The following TRMT2B variants were observed in gnomAD, a reference collection of about 807,000 sequenced individuals.
TRMT2B encodes tRNA (uracil-5-)-methyltransferase homolog B.
Under a neutral mutation model 39.7 loss-of-function variants are expected in TRMT2B, and 34 were observed. That is an observed-to-expected ratio of 0.86 (90% CI 0.65 to 1.14). The LOEUF (loss-of-function observed/expected upper bound fraction) is 1.14. TRMT2B is among the 50% of genes most tolerant of loss of function. TRMT2B has a pLI of 0.00. For synonymous variants in TRMT2B, 132 were observed against 137.3 expected, an observed-to-expected ratio of 0.96 and a Z score of 0.27; for missense variants, 318 against 377.2, an observed-to-expected ratio of 0.84 and a Z score of 1.30.
At chrX:101,039,550 T>G (rs771993912) in intron 4 of TRMT2B, among the ~76,000 whole-genome samples, 18 of 111,626 alleles carry the variant, frequency 1.6e-4, no homozygotes, top group African/African-American at 5.2e-4. Context: ...CAGAAAAGAT[T>G]AAGAACCTAA....
chrX:100,980,378 C>T, the TRMT2B span, among the ~76,000 whole-genome samples: 4 of 109,536 alleles, frequency 3.7e-5, no homozygotes, highest in Non-Finnish European at 7.6e-5. Context: ...CAGCCCCAAG[C>T]CCATAGCGAC....
chrX:101,036,143 C>T (rs997629048), intron 6 of TRMT2B, among the ~76,000 whole-genome samples: 4 of 111,564 alleles, frequency 3.6e-5, no homozygotes, highest in African/African-American at 1.3e-4. Flanking sequence ...TGAAAATGGG[C>T]AAACAGAAAG....
intron 8 of TRMT2B, 142 bp downstream of exon 8, chrX:101,023,327 TC>T: frequency 1.7e-6 from 1 of 596,444 alleles, no homozygotes. Flanking sequence ...CTTCTCCTCA[TC>T]CCTAACCCCT....
chrX:100,993,078 C>T, the TRMT2B span, among the ~76,000 whole-genome samples: 1 of 112,134 alleles, frequency 8.9e-6, no homozygotes, highest in Admixed American at 9.5e-5. Context: ...TGATAGGATT[C>T]TGACTGAGGC....
At chrX:101,036,746 C>T (rs1440668857) in intron 6 of TRMT2B, among the ~76,000 whole-genome samples, 1 of 111,755 alleles carries the variant, frequency 8.9e-6, no homozygotes, top group Non-Finnish European at 1.9e-5. Context: ...AGGTATCAGG[C>T]ATATATGGCT....
At chrX:101,040,392 G>A (rs750244915) in intron 4 of TRMT2B, among the ~76,000 whole-genome samples, 18 of 111,139 alleles carry the variant, frequency 1.6e-4, no homozygotes, top group Non-Finnish European at 2.8e-4. Context: ...AGATGTGGAT[G>A]GGTATGGCTC....
At chrX:101,035,774 G>C in intron 6 of TRMT2B, 91 bp from the exon 7 acceptor site, 2 of 756,600 alleles carry the variant, frequency 2.6e-6, no homozygotes, top group Non-Finnish European at 4.0e-6. Context: ...TCGTCAAAGT[G>C]GCATATGTAG....
At chrX:100,994,951 A>G in the TRMT2B span, among the ~76,000 whole-genome samples, 1,598 of 111,429 alleles carry the variant, frequency 0.014, 17 homozygotes, top group Middle Eastern at 0.042. Flanking sequence ...TGTGTTTTGA[A>G]TATTGTTCTT....
intron 7 of TRMT2B, 85 bp downstream of exon 7, chrX:101,035,528 G>T: frequency 1.2e-6 from 1 of 820,123 alleles, no homozygotes; most frequent in Non-Finnish European, 1.9e-6. Context: ...ACTAGAATTG[G>T]CTCTATTATC....
chrX:101,041,260 C>T (rs772504228), intron 4 of TRMT2B, 57 bp downstream of exon 4: 42 of 1,057,266 alleles, frequency 4.0e-5, no homozygotes, highest in Non-Finnish European at 5.2e-5. Context: ...AAGCTTCCTA[C>T]GAGTCCAGCA....
intron 2 of TRMT2B, among the ~76,000 whole-genome samples, chrX:101,048,113 TACACACAC>T (rs56212711): frequency 0.21 from 18,731 of 90,160 alleles, 1,494 homozygotes; most frequent in African/African-American, 0.23. Flanking sequence ...TTTATACACA[TACACACAC>T]ACACACACAC....
downstream of TRMT2B, among the ~76,000 whole-genome samples, chrX:101,008,115 A>G (rs901456948): frequency 5.4e-5 from 6 of 111,386 alleles, no homozygotes; most frequent in Non-Finnish European, 1.1e-4. Context: ...AAAGCATTCA[A>G]CATTAGATAT....
chrX:100,986,841 T>C, the TRMT2B span: 1 of 1,206,978 alleles, frequency 8.3e-7, no homozygotes, highest in Non-Finnish European at 1.1e-6. Flanking sequence ...TGCCTTGTGA[T>C]ATTATTGACT....
chrX:100,998,232 C>A, the TRMT2B span, among the ~76,000 whole-genome samples: 2 of 99,812 alleles, frequency 2.0e-5, no homozygotes, highest in Non-Finnish European at 4.0e-5. Flanking sequence ...TGCACTCCAG[C>A]CTGGGTGACA....
chrX:101,020,127 G>C (rs964869416), intron 11 of TRMT2B, among the ~76,000 whole-genome samples: 8 of 111,446 alleles, frequency 7.2e-5, no homozygotes, highest in African/African-American at 2.6e-4. Context: ...TTGAAGAAAA[G>C]GTTTTGTTGC....
intron 11 of TRMT2B, among the ~76,000 whole-genome samples, chrX:101,020,072 CA>C (rs113952300): frequency 0.081 from 8,966 of 111,249 alleles, 345 homozygotes; most frequent in Admixed American, 0.12. Flanking sequence ...GCAGTGAGGG[CA>C]AGATGATCTA....
At chrX:101,008,533 A>G (rs1473096118), downstream of TRMT2B, among the ~76,000 whole-genome samples, 1 of 111,132 alleles carries the variant, frequency 9.0e-6, no homozygotes, top group East Asian at 2.8e-4. Context: ...GAGGCAGGGG[A>G]ATCGCTTGAA....
At chrX:101,023,434 A>C in intron 8 of TRMT2B, 36 bp downstream of exon 8, 1 of 1,192,504 alleles carries the variant, frequency 8.4e-7, no homozygotes, top group Non-Finnish European at 1.1e-6. Context: ...TAGTAGTAGT[A>C]AAAGTTAAGG....
the TRMT2B span, among the ~76,000 whole-genome samples, chrX:100,983,555 C>T: frequency 7.2e-5 from 8 of 110,577 alleles, no homozygotes; most frequent in African/African-American, 2.6e-4. Context: ...CAGGGTTTCA[C>T]CATGTTGGCC....
Sources: gnomAD v4.1 joint callset for allele counts (sites outside exome capture counted in the v4.1 genomes callset) on GRCh38, gnomAD v4.1.1 for gene constraint, MANE v1.5 for transcripts, NCBI Gene and HGNC (gene_info 2026-07-23, HGNC 2026-07-21) for gene names.